Variants in RAB3GAP1 observed in about 807,000 individuals in gnomAD.
RAB3GAP1 encodes rab3 GTPase-activating protein catalytic subunit.
Under a neutral mutation model 130.7 loss-of-function variants are expected in RAB3GAP1, and 86 were observed. That is an observed-to-expected ratio of 0.66 (90% confidence interval 0.55 to 0.79). The LOEUF (loss-of-function observed/expected upper bound fraction) is 0.79, where lower values mean the gene tolerates loss of function less well. Among genes scored for constraint, RAB3GAP1 ranks in the 30% least tolerant of loss-of-function variants. RAB3GAP1 has a pLI of 0.00. For missense variants in RAB3GAP1, 1,029 were observed against 1,169.4 expected (o/e 0.88, Z 1.75); for synonymous variants, 367 against 401.7 (o/e 0.91, Z 1.03).
At chr2:135,097,475 C>A (rs921981777) in intron 5 of RAB3GAP1, among the ~76,000 whole-genome samples, 1 of 152,158 alleles carries the variant, frequency 6.6e-6, no homozygotes, top group African/African-American at 2.4e-5. Flanking sequence ...CCCACCTCAG[C>A]CTCCCAAAGT....
chr2:135,100,398 C>G (rs187663953), intron 5 of RAB3GAP1, among the ~76,000 whole-genome samples: 2 of 152,210 alleles, frequency 1.3e-5, no homozygotes, highest in African/African-American at 2.4e-5. Flanking sequence ...TTTTCAGTCA[C>G]CTTCTATGCT....
intron 19 of RAB3GAP1, chr2:135,162,296 T>A (rs1020176632): frequency 2.3e-6 from 1 of 426,222 alleles, no homozygotes; most frequent in Non-Finnish European, 4.2e-6. Context: ...GTCGGTAGTT[T>A]TTATTTTCTT....
At position 135,113,194 on chromosome 2, in the gene RAB3GAP1, A is replaced by G; in HGVS notation, c.406A>G (p.Ser136Gly). 1 of 1,614,158 alleles carries G rather than the reference A, an allele frequency of 6.2e-7. No individual in the cohort carries two copies. Among genetic ancestry groups the G allele is most frequent in the Non-Finnish European group, 8.5e-7 (1 of 1,180,016 alleles). The change falls in exon 6 of 24, where the codon AGT (serine) becomes GGT (glycine). Residue 136 changes from serine to glycine, a missense_variant. Physicochemically the swap from Ser to Gly is moderately conservative, Grantham distance 56. This residue lies in a region of RAB3GAP1 where 510 missense variants were observed against 532.1 expected (regional missense o/e 0.96). Coordinates refer to ENST00000264158, the MANE Select transcript of RAB3GAP1 (RefSeq NM_012233.3). ...EFVVIAPAAH[S>G]DAVLSESKCN... Reference sequence around the variant, plus strand: ...CGTGGTGATTGCCCCTGCTGCACACAGTGACGCTGTTCTCAGCGAATCTAA... The same window carrying G: ...CGTGGTGATTGCCCCTGCTGCACACGGTGACGCTGTTCTCAGCGAATCTAA...
Position 135,080,889 on chromosome 2 carries a change from G to A in RAB3GAP1, c.151-10109G>A, listed in dbSNP as rs181478993. Among the ~76,000 whole-genome samples the A allele has an allele frequency of 1.1e-4, 16 of 152,234 alleles. No homozygotes were observed. The East Asian group carries it at 3.1e-3, about 29-fold the overall frequency. ...CTTTCTGTACTTTTGTGCTTTTAGT[G>A]GGATGATCTTGATCCAGGCTGAAGG... On this transcript the variant is annotated intron_variant, in intron 3 of 23. Coordinates refer to ENST00000264158, the MANE Select transcript of RAB3GAP1 (RefSeq NM_012233.3).
chr2:135,124,404 G>A, intron 9 of RAB3GAP1, among the ~76,000 whole-genome samples, 158 bp downstream of exon 9: 1 of 152,216 alleles, frequency 6.6e-6, no homozygotes, highest in Non-Finnish European at 1.5e-5. Context: ...ACAGGCTCAT[G>A]CCTGTAATCC....
At chr2:135,095,807 CACT>C (rs1334704151) in intron 5 of RAB3GAP1, among the ~76,000 whole-genome samples, 1 of 152,182 alleles carries the variant, frequency 6.6e-6, no homozygotes, top group Non-Finnish European at 1.5e-5. Flanking sequence ...ACAATGTATA[CACT>C]ACCTGCCCCT....
At chr2:135,139,547 TAAA>T (rs879738066) in intron 17 of RAB3GAP1, among the ~76,000 whole-genome samples, 2 of 140,424 alleles carry the variant, frequency 1.4e-5, no homozygotes, top group African/African-American at 5.2e-5. Flanking sequence ...TCTCAAAAAT[TAAA>T]AAAAAAAAAA....
rs149483456 is a variant in RAB3GAP1 at position 135,169,185 on chromosome 2, C to T, written c.*404C>T. On this transcript the variant is annotated 3_prime_UTR_variant, in exon 24 of 24. Transcript: ENST00000264158. ...GTTCTATATATCAGCAGCAAGTGTG[C>T]AAAATAAAGGACCTGTTAACTCAGA... The T allele has an allele frequency of 3.9e-3, 1,062 of 272,410 alleles. 12 individuals carry two copies. Among genetic ancestry groups the T allele is most frequent in the South Asian group, 0.026 (588 of 23,040 alleles). 16.9% of individuals were successfully genotyped at this position (272,410 alleles called of 1,614,324 possible).
At chr2:135,149,432 T>C (rs1692102087) in intron 17 of RAB3GAP1, among the ~76,000 whole-genome samples, 1 of 152,094 alleles carries the variant, frequency 6.6e-6, no homozygotes, top group African/African-American at 2.4e-5. Context: ...GAGGGTTGAG[T>C]GATTGCCCAA....
Position 135,130,055 on chromosome 2 carries a change from T to G in RAB3GAP1, c.1034T>G (p.Leu345Arg). The change falls in exon 12 of 24, where the codon CTT becomes CGT. Residue 345 changes from leucine (L) to arginine (R), a missense_variant. By Grantham distance (102) the Leu-to-Arg change is moderately radical. Around this residue, in one of 3 missense-constraint regions of RAB3GAP1, gnomAD observed 510 missense variants for 532.1 expected, o/e 0.96. Coordinates refer to ENST00000264158, the MANE Select transcript of RAB3GAP1 (RefSeq NM_012233.3). ...CRRKESTDEI[L>R]GRSAFEEEGK... ...CGAAAGGAGTCAACTGATGAGATTCTTGGACGATCTGCATTTGAGGAAGAA... is the reference window on the plus strand; with the variant it reads ...CGAAAGGAGTCAACTGATGAGATTCGTGGACGATCTGCATTTGAGGAAGAA... The G allele has an allele frequency of 6.2e-7, 1 of 1,613,508 alleles. No homozygotes were observed. Among genetic ancestry groups the G allele is most frequent in the Non-Finnish European group, 8.5e-7 (1 of 1,179,600 alleles).
intron 5 of RAB3GAP1, among the ~76,000 whole-genome samples, chr2:135,100,005 T>A (rs1465831534): frequency 6.6e-6 from 1 of 151,908 alleles, no homozygotes; most frequent in Non-Finnish European, 1.5e-5. Flanking sequence ...GATATCTGAG[T>A]GATATTGTGC....
Position 135,124,173 on chromosome 2 carries a change from G to C in RAB3GAP1, c.757G>C (p.Ala253Pro). The C allele has an allele frequency of 6.2e-7, 1 of 1,613,872 alleles. No individual in the cohort carries two copies. The highest frequency in any genetic ancestry group is 1.7e-5 in the Admixed American group (1 of 60,014). Residue 253 changes from alanine to proline, a missense_variant, in exon 9 of 24, where the codon GCC (alanine) becomes CCC (proline). Around this residue, in one of 3 missense-constraint regions of RAB3GAP1, gnomAD observed 510 missense variants for 532.1 expected, o/e 0.96. Coordinates refer to ENST00000264158, the MANE Select transcript of RAB3GAP1 (RefSeq NM_012233.3). ...ATATTTCTTTTGTTTAGACATAGAT[G>C]CCCTTGTAGGAGGAGAAGTTGGAGG... Reference protein sequence around the residue: ...FWPQQPPDIDALVGGEVGGLE... With the variant: ...FWPQQPPDIDPLVGGEVGGLE...
chr2:135,093,668 C>A lies in RAB3GAP1; in HGVS notation c.337C>A (p.Pro113Thr). 1 of 1,613,126 alleles carries A rather than the reference C, an allele frequency of 6.2e-7. No individual in the cohort carries two copies. The highest frequency in any genetic ancestry group is 8.5e-7 in the Non-Finnish European group (1 of 1,179,086). The change falls in exon 5 of 24, where the codon CCA (proline) becomes ACA (threonine). Residue 113 changes from proline (P) to threonine (T), a missense_variant. Physicochemically the swap from Pro to Thr is conservative, Grantham distance 38 (BLOSUM62 -1). Around this residue, in one of 3 missense-constraint regions of RAB3GAP1, gnomAD observed 510 missense variants for 532.1 expected, o/e 0.96. Coordinates refer to ENST00000264158, the MANE Select transcript of RAB3GAP1 (RefSeq NM_012233.3). The part of the protein sequence containing the change: ...DLLGMNNDFP[P>T]RAHCLVRWYG... ...GCTGGGTATGAATAATGACTTTCCTCCAAGAGCACATTGCCTGGTAAGATG... is the reference window on the plus strand; with the variant it reads ...GCTGGGTATGAATAATGACTTTCCTACAAGAGCACATTGCCTGGTAAGATG...
chr2:135,158,294 ATGAC>A (rs1420248541), intron 19 of RAB3GAP1, among the ~76,000 whole-genome samples: 2 of 152,070 alleles, frequency 1.3e-5, no homozygotes, highest in East Asian at 3.9e-4. Flanking sequence ...CCTCAGAAAA[ATGAC>A]TGATTTCAAG....
chr2:135,095,649 A>G (rs1030783399), intron 5 of RAB3GAP1, among the ~76,000 whole-genome samples: 8 of 152,182 alleles, frequency 5.3e-5, no homozygotes, highest in African/African-American at 1.4e-4. Flanking sequence ...GGTTTCAGTT[A>G]CCTGTGGTCA....
chr2:135,153,634 T>G lies in RAB3GAP1; in HGVS notation c.2062-15T>G. 6.2e-7 allele frequency: 1 copy of G among 1,611,626 alleles called. No individual in the cohort carries two copies. Among genetic ancestry groups the G allele is most frequent in the Non-Finnish European group, 8.5e-7 (1 of 1,177,690 alleles). On this transcript the variant is annotated splice_polypyrimidine_tract_variant and intron_variant, in intron 18 of 23. Transcript: ENST00000264158. ...TTTTCATTTGATTCTGCTGAATTTT[T>G]TTGTCTTATTTTAGGCAGCTAATCC...
rs60490005 is a variant in RAB3GAP1, at chr2:135,072,630, T to A, written c.150+14544T>A. Among the ~76,000 whole-genome samples, 573 of 152,330 alleles carry A rather than the reference T, an allele frequency of 3.8e-3. 15 individuals are homozygous for A. The highest frequency in any genetic ancestry group is 0.032 in the East Asian group (168 of 5,184). On this transcript the variant is annotated intron_variant, in intron 3 of 23. Coordinates refer to ENST00000264158, the MANE Select transcript of RAB3GAP1 (RefSeq NM_012233.3). Reference sequence around the variant, plus strand: ...CTCATGACTTACGTAGACCATCTATTATATGCTTGGACTTTTTGACTTGTC... The same window carrying A: ...CTCATGACTTACGTAGACCATCTATAATATGCTTGGACTTTTTGACTTGTC...
chr2:135,176,156 A>G (rs1034614205), intron 24 of RAB3GAP1: 5 of 152,200 alleles, frequency 3.3e-5, no homozygotes, highest in African/African-American at 1.2e-4. Context: ...CTTGAAGAAT[A>G]AGGTCATGGA....
intron 3 of RAB3GAP1, among the ~76,000 whole-genome samples, chr2:135,063,261 T>C (rs1689230335): frequency 6.6e-6 from 1 of 152,176 alleles, no homozygotes; most frequent in South Asian, 2.1e-4. Context: ...GAGATAATCA[T>C]ATAGTTTTTC....
Sources: gnomAD v4.1 joint callset for allele counts (sites outside exome capture counted in the v4.1 genomes callset) on GRCh38, gnomAD v4.1.1 for gene constraint, gnomAD v4.1.1 regional missense constraint, MANE v1.5 for transcripts, NCBI Gene and HGNC (gene_info 2026-07-23, HGNC 2026-07-21) for gene names.